PCDHA1: variants seen among roughly 807,000 people sequenced by gnomAD.
PCDHA1 encodes protocadherin alpha 1.
A neutral mutation model predicts 61.3 loss-of-function variants in PCDHA1; 42 were observed. That is an observed-to-expected ratio of 0.69 (90% CI 0.54 to 0.89). PCDHA1 has a LOEUF of 0.89. Ranked by LOEUF, PCDHA1 falls within the 40% of genes least tolerant of loss-of-function variation. PCDHA1 has a pLI of 0.00. For synonymous variants in PCDHA1, 610 were observed against 553.8 expected (o/e 1.10, Z -1.43); for missense variants, 1,256 against 1,235.3 (o/e 1.02, Z -0.25).
intron 1 of PCDHA1, among the ~76,000 whole-genome samples, chr5:140,793,893 G>A (rs1436553355): frequency 6.6e-6 from 1 of 152,094 alleles, no homozygotes; most frequent in African/African-American, 2.4e-5. Context: ...CAAAACATTT[G>A]CAAACAATTC....
chr5:140,823,849 C>A (rs1767900839), intron 1 of PCDHA1: 2 of 1,613,738 alleles, frequency 1.2e-6, no homozygotes, highest in Non-Finnish European at 1.7e-6. Flanking sequence ...CGAGGCTGCC[C>A]TGGTGGATGT....
chr5:140,876,233 A>G, intron 1 of PCDHA1: 1 of 1,614,016 alleles, frequency 6.2e-7, no homozygotes, highest in Non-Finnish European at 8.5e-7. Context: ...TTGTCTGAAA[A>G]TGTCCAAAAC....
At chr5:140,850,703 G>A (rs1191486729) in intron 1 of PCDHA1, 2 of 1,598,114 alleles carry the variant, frequency 1.3e-6, no homozygotes, top group African/African-American at 2.7e-5. Flanking sequence ...CGCCTGGCAA[G>A]CCGACGCTGG....
intron 1 of PCDHA1, chr5:140,966,455 C>T (rs376758355): frequency 4.7e-6 from 2 of 426,810 alleles, no homozygotes; most frequent in East Asian, 3.5e-5. Flanking sequence ...CCCCCTCCCC[C>T]TCTGTCTTCC....
At chr5:140,986,530 G>C (rs1341824536) in intron 3 of PCDHA1, among the ~76,000 whole-genome samples, 1 of 152,162 alleles carries the variant, frequency 6.6e-6, no homozygotes, top group African/African-American at 2.4e-5. Context: ...GAGGGAACTG[G>C]CCTGGCTTCA....
At chr5:140,966,683 G>A (rs1357691419) in intron 1 of PCDHA1, 1 of 1,331,590 alleles carries the variant, frequency 7.5e-7, no homozygotes. Flanking sequence ...TGGCACGAGC[G>A]GAGGCGGGGC....
intron 1 of PCDHA1, chr5:140,808,701 C>G (rs1764239341): frequency 5.6e-6 from 9 of 1,612,090 alleles, no homozygotes; most frequent in South Asian, 4.4e-5. Flanking sequence ...CGCGCGCTGT[C>G]GAGCTACGTT....
chr5:140,851,638 T>C, intron 1 of PCDHA1: 1 of 915,858 alleles, frequency 1.1e-6, no homozygotes, highest in Non-Finnish European at 1.3e-6. Flanking sequence ...AAGTGTTTCC[T>C]TTCTTCAAGA....
Position 140,787,150 on chromosome 5 carries a change from G to T in PCDHA1, c.860G>T (p.Arg287Leu), listed in dbSNP as rs886883971. ...VVFSFDSGIS[R>L]DIQEKFKVDS... ...TTTTCCTTTGACAGTGGTATTTCTCGTGACATTCAAGAAAAATTCAAAGTT... is the reference window on the plus strand; with the variant it reads ...TTTTCCTTTGACAGTGGTATTTCTCTTGACATTCAAGAAAAATTCAAAGTT... The change falls in exon 1 of 4, where the codon CGT (arginine) becomes CTT (leucine). Residue 287 changes from arginine (R) to leucine (L), a missense_variant. Transcript: ENST00000504120. The T allele has an allele frequency of 1.2e-6, 2 of 1,613,864 alleles. No homozygotes were observed. Among genetic ancestry groups the T allele is most frequent in the African/African-American group, 2.7e-5 (2 of 74,976 alleles).
At chr5:140,827,272 C>T (rs868912069) in intron 1 of PCDHA1, among the ~76,000 whole-genome samples, 1 of 152,146 alleles carries the variant, frequency 6.6e-6, no homozygotes, top group African/African-American at 2.4e-5. Context: ...CATTTAGGAA[C>T]AGCTGAAGAA....
intron 1 of PCDHA1, among the ~76,000 whole-genome samples, chr5:140,901,955 G>A (rs2069015305): frequency 6.6e-6 from 1 of 151,848 alleles, no homozygotes; most frequent in Admixed American, 6.6e-5. Flanking sequence ...TTTTATTCGT[G>A]GCTATCGTAA....
intron 1 of PCDHA1, among the ~76,000 whole-genome samples, chr5:140,874,638 C>A (rs2055040349): frequency 6.6e-6 from 1 of 152,272 alleles, no homozygotes; most frequent in South Asian, 2.1e-4. Context: ...AAGTGCTTTA[C>A]TTTTGCTAGA....
intron 1 of PCDHA1, chr5:140,967,414 C>T: frequency 6.2e-7 from 1 of 1,613,156 alleles, no homozygotes; most frequent in African/African-American, 1.3e-5. Context: ...AGGGCCTAGA[C>T]CGGGAGCAGG....
Position 140,913,960 on chromosome 5 carries a change from T to TA in PCDHA1, c.2395-64982dup, listed in dbSNP as rs201352444. 7.9e-3 allele frequency among the ~76,000 whole-genome samples: 1,207 copies of TA among 152,282 alleles called. 5 individuals are homozygous for TA. Among genetic ancestry groups the TA allele is most frequent in the African/African-American group, 0.019 (780 of 41,560 alleles). ...AAGAATCTTGATATGATATCATTTT[T>TA]AAAAAAATATTTTAGGACTTGTATT... On this transcript the variant is annotated intron_variant, in intron 1 of 3. Transcript: ENST00000504120.
intron 1 of PCDHA1, among the ~76,000 whole-genome samples, chr5:140,872,206 T>A (rs2053543474): frequency 1.3e-5 from 2 of 152,340 alleles, no homozygotes; most frequent in Middle Eastern, 6.8e-3. Flanking sequence ...CATAAATTCA[T>A]TATATATGAA....
Position 140,788,492 on chromosome 5 carries a change from G to A in PCDHA1, c.2202G>A (p.Pro734=), listed in dbSNP as rs374247491. The A allele has an allele frequency of 7.4e-6, 12 of 1,613,980 alleles. No individual in the cohort carries two copies. The Admixed American group carries it at 8.3e-5, about 11-fold the overall frequency. ...CGCCCACTGAGGGTGCGTATGTGCC[G>A]GGCAAGCCCACTCTGGTGTGCTCCA... ...SVPPTEGAYV[P]GKPTLVCSSA... The change falls in exon 1 of 4, where the codon CCG becomes CCA. Residue 734 remains proline (P), a synonymous_variant. Transcript: ENST00000504120.
chr5:140,871,272 G>A, intron 1 of PCDHA1: 2 of 1,613,942 alleles, frequency 1.2e-6, no homozygotes, highest in South Asian at 2.2e-5. Flanking sequence ...TGTGGTGGTC[G>A]GCAACGCCCA....
rs1234453098 is a variant in PCDHA1, at chr5:141,010,058, C to A, written c.*121C>A. 2 of 1,600,982 alleles carry A rather than the reference C, an allele frequency of 1.2e-6. No homozygotes were observed. The highest frequency in any genetic ancestry group is 1.7e-6 in the Non-Finnish European group (2 of 1,173,736). Reference sequence around the variant, plus strand: ...GAGCCCTCTTAGAGACCTCAGAAATCTGCAGAAAGTTCCCTGTGTCTGTCT... The same window carrying A: ...GAGCCCTCTTAGAGACCTCAGAAATATGCAGAAAGTTCCCTGTGTCTGTCT... On this transcript the variant is annotated 3_prime_UTR_variant, in exon 4 of 4. Transcript: ENST00000504120.
At chr5:140,799,148 C>A (rs995280112) in intron 1 of PCDHA1, among the ~76,000 whole-genome samples, 1 of 152,072 alleles carries the variant, frequency 6.6e-6, no homozygotes, top group Admixed American at 6.5e-5. Context: ...TAAGTGACAT[C>A]TAGGTGGTAG....
Sources: gnomAD v4.1 joint callset for allele counts (sites outside exome capture counted in the v4.1 genomes callset) on GRCh38, gnomAD v4.1.1 for gene constraint, MANE v1.5 for transcripts, NCBI Gene and HGNC (gene_info 2026-07-23, HGNC 2026-07-21) for gene names.